Variants in OXR1 observed in about 807,000 individuals in gnomAD.
The protein encoded by OXR1 is oxidation resistance protein 1.
Under a neutral mutation model 104.6 loss-of-function variants are expected in OXR1, and 41 were observed. The observed-to-expected ratio is 0.39, with a 90% CI of 0.31 to 0.51. The LOEUF (loss-of-function observed/expected upper bound fraction) is 0.51, where lower values mean the gene tolerates loss of function less well. OXR1 is among the 20% of genes least tolerant of loss of function. The pLI, the probability that OXR1 is intolerant of heterozygous loss-of-function variation, is 0.77. For missense variants in OXR1, 955 were observed against 1,031.9 expected (o/e 0.93, Z 1.02); for synonymous variants, 348 against 348.4 (o/e 1.00, Z 0.01).
At chr8:106,404,880 T>C (rs1258127465) in intron 2 of OXR1, among the ~76,000 whole-genome samples, 1 of 151,974 alleles carries the variant, frequency 6.6e-6, no homozygotes, top group Non-Finnish European at 1.5e-5. Flanking sequence ...TAATTTTTTG[T>C]ATTTTTAGTA....
intron 3 of OXR1, among the ~76,000 whole-genome samples, chr8:106,672,518 GA>G (rs1827136823): frequency 7.3e-5 from 2 of 27,248 alleles, no homozygotes; most frequent in East Asian, 1.4e-3. Flanking sequence ...AAGAAAGAAA[GA>G]GAGAGAGAGA....
chr8:106,567,686 G>A (rs1817181504), intron 3 of OXR1, among the ~76,000 whole-genome samples: 1 of 152,040 alleles, frequency 6.6e-6, no homozygotes, highest in African/African-American at 2.4e-5. Context: ...CATCCTTTTA[G>A]GACATGAAGT....
intron 3 of OXR1, among the ~76,000 whole-genome samples, chr8:106,678,576 C>A (rs1827828799): frequency 6.6e-6 from 1 of 151,902 alleles, no homozygotes; most frequent in Non-Finnish European, 1.5e-5. Flanking sequence ...TAAAGGGAAG[C>A]AGTTTCGCTA....
At chr8:106,486,148 TAC>T (rs1455349965) in intron 2 of OXR1, among the ~76,000 whole-genome samples, 2 of 152,154 alleles carry the variant, frequency 1.3e-5, no homozygotes, top group Non-Finnish European at 2.9e-5. Flanking sequence ...TGTGAAGTAA[TAC>T]ATGTGTTAAT....
At chr8:106,300,930 A>C (rs570685501) in intron 1 of OXR1, among the ~76,000 whole-genome samples, 1 of 152,280 alleles carries the variant, frequency 6.6e-6, no homozygotes, top group East Asian at 1.9e-4. Flanking sequence ...TCTTTTTCCC[A>C]ACTCTTTTTC....
chr8:106,697,490 C>G (rs895407908), intron 7 of OXR1: 2 of 1,608,166 alleles, frequency 1.2e-6, no homozygotes, highest in African/African-American at 1.3e-5. Context: ...ATCTGTAGCC[C>G]GATCACGTTC....
chr8:106,374,260 G>A (rs1586579626), intron 2 of OXR1, among the ~76,000 whole-genome samples: 1 of 152,104 alleles, frequency 6.6e-6, no homozygotes, highest in Non-Finnish European at 1.5e-5. Context: ...ACACCATAGT[G>A]TTATAATTAC....
At chr8:106,388,330 G>T (rs1817458610) in intron 2 of OXR1, among the ~76,000 whole-genome samples, 1 of 152,134 alleles carries the variant, frequency 6.6e-6, no homozygotes, top group Non-Finnish European at 1.5e-5. Context: ...CTGTGCATTT[G>T]GATCCAGCAT....
chr8:106,716,506 C>T lies in OXR1; in HGVS notation c.1956+2521C>T, dbSNP rs1338880631. Among the ~76,000 whole-genome samples, 5 of 88,436 alleles carry T rather than the reference C, an allele frequency of 5.7e-5. 2 individuals are homozygous for T. The highest frequency in any genetic ancestry group is 2.0e-4 in the Admixed American group (2 of 9,988). The allele number at this position is 88,436 out of a possible 152,430, so 58.0% of individuals were successfully genotyped here. A position where few individuals can be genotyped will look rare whatever the true frequency, so the allele number is the denominator to read the frequency against. On this transcript the variant is annotated intron_variant, in intron 11 of 16. Coordinates refer to ENST00000517566, the MANE Select transcript of OXR1 (RefSeq NM_001198533.2). ...GGGCGCGGTGGTGGGTGCCTGTAGT[C>T]CCAGCTACTCGGGAGGCTGAGGCAG... is the stretch of plus-strand genomic sequence containing the variant.
chr8:106,708,546 T>G (rs1408544522), intron 9 of OXR1, among the ~76,000 whole-genome samples: 1 of 152,346 alleles, frequency 6.6e-6, no homozygotes, highest in African/African-American at 2.4e-5. Context: ...CCATTGATGT[T>G]TGGCTTATTT....
chr8:106,735,558 TATAAG>T (rs1248120474), intron 11 of OXR1, among the ~76,000 whole-genome samples: 20 of 152,096 alleles, frequency 1.3e-4, no homozygotes, highest in Non-Finnish European at 5.9e-5. Flanking sequence ...AGAATATAGA[TATAAG>T]ATAATTGTTA....
chr8:106,403,464 G>C (rs1351092484), intron 2 of OXR1, among the ~76,000 whole-genome samples: 1 of 152,224 alleles, frequency 6.6e-6, no homozygotes, highest in African/African-American at 2.4e-5. Context: ...CTGGTCTACA[G>C]AGAAGAGCAA....
intron 3 of OXR1, among the ~76,000 whole-genome samples, chr8:106,544,708 A>G (rs1477350417): frequency 1.3e-5 from 2 of 151,986 alleles, no homozygotes; most frequent in African/African-American, 2.4e-5. Context: ...TGTATTAAAG[A>G]TTATATGGTT....
At chr8:106,272,842 A>G (rs1285286924) in intron 1 of OXR1, 1 of 152,172 alleles carries the variant, frequency 6.6e-6, no homozygotes, top group Admixed American at 6.6e-5. Context: ...AAAATAAATG[A>G]TCATTTTAGC....
intron 2 of OXR1, among the ~76,000 whole-genome samples, chr8:106,480,700 G>T (rs1822062021): frequency 6.6e-6 from 1 of 151,882 alleles, no homozygotes; most frequent in South Asian, 2.1e-4. Context: ...CTGGCTTTAT[G>T]CATCCCTTCC....
At chr8:106,697,977 C>G in intron 7 of OXR1, 1 of 1,613,008 alleles carries the variant, frequency 6.2e-7, no homozygotes, top group Non-Finnish European at 8.5e-7. Flanking sequence ...GCTGCACCTC[C>G]TGGCTCAGGC....
At chr8:106,346,867 G>A (rs1318502863) in intron 1 of OXR1, among the ~76,000 whole-genome samples, 11 of 152,098 alleles carry the variant, frequency 7.2e-5, no homozygotes, top group Non-Finnish European at 1.3e-4. Flanking sequence ...GTGAAACCCC[G>A]TCTCTACTAA....
At chr8:106,336,520 C>T (rs763965510) in intron 1 of OXR1, among the ~76,000 whole-genome samples, 18 of 152,204 alleles carry the variant, frequency 1.2e-4, no homozygotes, top group Non-Finnish European at 2.4e-4. Context: ...CATATTGCTA[C>T]CTCACTTTCA....
chr8:106,320,621 T>C (rs982419845), intron 1 of OXR1, among the ~76,000 whole-genome samples: 8 of 152,114 alleles, frequency 5.3e-5, no homozygotes, highest in African/African-American at 1.9e-4. Flanking sequence ...CCTGTGTTTT[T>C]AATTCTTATT....
Sources: gnomAD v4.1 joint callset for allele counts (sites outside exome capture counted in the v4.1 genomes callset) on GRCh38, gnomAD v4.1.1 for gene constraint, MANE v1.5 for transcripts, NCBI Gene and HGNC (gene_info 2026-07-23, HGNC 2026-07-21) for gene names.